The following ASTN2 variants were observed in gnomAD, a reference collection of about 807,000 sequenced individuals.
The protein encoded by ASTN2 is astrotactin-2.
In ASTN2, 54 loss-of-function variants were observed where a neutral mutation model predicts 139.8. The observed-to-expected ratio is 0.39, with a 90% CI of 0.31 to 0.48. The LOEUF (loss-of-function observed/expected upper bound fraction) is 0.48, where lower values mean the gene tolerates loss of function less well. ASTN2 is among the 20% of genes least tolerant of loss of function. The pLI, the probability that ASTN2 is intolerant of heterozygous loss-of-function variation, is 0.95. For missense variants in ASTN2, 1,565 were observed against 1,725.1 expected (o/e 0.91, Z 1.64); for synonymous variants, 756 against 719.5 (o/e 1.05, Z -0.81).
intron 16 of ASTN2, among the ~76,000 whole-genome samples, chr9:116,702,854 T>C (rs1318097139): frequency 6.6e-6 from 1 of 152,208 alleles, no homozygotes; most frequent in East Asian, 1.9e-4. Context: ...CAGTGTACAC[T>C]CCGGACTTGA....
intron 5 of ASTN2, among the ~76,000 whole-genome samples, chr9:117,084,036 GAA>G (rs60435447): frequency 0.47 from 56,974 of 120,740 alleles, 11,771 homozygotes; most frequent in East Asian, 0.7. Flanking sequence ...GGATCTTTAA[GAA>G]AAAAAAAAAA....
chr9:116,447,841 C>T (rs1848047972), intron 20 of ASTN2, among the ~76,000 whole-genome samples: 1 of 152,230 alleles, frequency 6.6e-6, no homozygotes, highest in Non-Finnish European at 1.5e-5. Context: ...GCCCAAGGCT[C>T]TGACTTCACC....
intron 2 of ASTN2, among the ~76,000 whole-genome samples, chr9:117,220,340 C>T (rs570359169): frequency 6.6e-6 from 1 of 152,246 alleles, no homozygotes; most frequent in South Asian, 2.1e-4. Flanking sequence ...TGGAGTCACC[C>T]TGGGCAGTTG....
chr9:116,957,049 A>T (rs1484639107), intron 10 of ASTN2, among the ~76,000 whole-genome samples: 3 of 141,822 alleles, frequency 2.1e-5, no homozygotes, highest in South Asian at 2.3e-4. Context: ...TTCCCAGTTA[A>T]TTTTTTTTTT....
At chr9:116,724,570 A>G (rs1828563922) in intron 16 of ASTN2, among the ~76,000 whole-genome samples, 1 of 152,178 alleles carries the variant, frequency 6.6e-6, no homozygotes, top group Admixed American at 6.5e-5. Flanking sequence ...TGCCAAGCAA[A>G]GCTGCGTGAA....
In ASTN2 at chr9:116,495,791, G is replaced by A. The variant is rs186269695; in HGVS notation, c.3356-8291C>T. 7.5e-3 allele frequency among the ~76,000 whole-genome samples: 1,137 copies of A among 152,194 alleles called. 8 individuals carry two copies. The highest frequency in any genetic ancestry group is 0.013 in the Non-Finnish European group (861 of 68,008). ...ACCCGAGCCTTTCCTATCATAAAAC[G>A]CTGCCTAGGGTGAGGGATACAAAGA... is the stretch of plus-strand genomic sequence containing the variant. On this transcript the variant is annotated intron_variant, in intron 19 of 22. Coordinates refer to ENST00000313400, the MANE Select transcript of ASTN2 (RefSeq NM_001365068.1).
At chr9:117,331,946 A>T (rs1348930720) in intron 1 of ASTN2, among the ~76,000 whole-genome samples, 1 of 151,946 alleles carries the variant, frequency 6.6e-6, no homozygotes, top group African/African-American at 2.4e-5. Context: ...ATTTTCACAC[A>T]TGTTCTTAGA....
intron 1 of ASTN2, among the ~76,000 whole-genome samples, chr9:117,391,993 A>C (rs1201165037): frequency 1.3e-5 from 2 of 152,180 alleles, no homozygotes; most frequent in Non-Finnish European, 2.9e-5. Flanking sequence ...CATCTGGGTT[A>C]TGCTGATACA....
At chr9:117,291,259 C>G in intron 2 of ASTN2, 67 bp downstream of exon 2, 1 of 1,570,314 alleles carries the variant, frequency 6.4e-7, no homozygotes, top group Non-Finnish European at 8.7e-7. Context: ...CCCCCGCCCC[C>G]TCCATCTCTC....
intron 4 of ASTN2, among the ~76,000 whole-genome samples, chr9:117,139,721 AAG>A (rs1263654181): frequency 6.6e-6 from 1 of 152,218 alleles, no homozygotes; most frequent in Non-Finnish European, 1.5e-5. Context: ...TAGCTAAGGA[AAG>A]AGCCAGACAA....
chr9:116,880,406 G>C (rs1833422671), intron 10 of ASTN2, among the ~76,000 whole-genome samples: 1 of 152,174 alleles, frequency 6.6e-6, no homozygotes, highest in Non-Finnish European at 1.5e-5. Context: ...AGGAAGACAG[G>C]AAATTAAAAC....
At chr9:117,137,487 G>A (rs1381349003) in intron 4 of ASTN2, among the ~76,000 whole-genome samples, 1 of 152,170 alleles carries the variant, frequency 6.6e-6, no homozygotes, top group East Asian at 1.9e-4. Flanking sequence ...GGAGGCTAAT[G>A]GAGCATTTCC....
chr9:117,409,747 T>C lies in ASTN2; in HGVS notation c.442+4750A>G, dbSNP rs141763578. Among the ~76,000 whole-genome samples, 87 of 152,336 alleles carry C rather than the reference T, an allele frequency of 5.7e-4. No individual in the cohort carries two copies. The East Asian group carries it at 0.016, about 28-fold the overall frequency. ...AACTCCTGGGCATAAGTGATCCTCC[T>C]GCTTCAGCCTCCCAAGTAGCCACCA... On this transcript the variant is annotated intron_variant, in intron 1 of 22. Transcript: ENST00000313400.
intron 1 of ASTN2, among the ~76,000 whole-genome samples, chr9:117,304,938 G>A (rs1334972547): frequency 1.3e-5 from 2 of 152,132 alleles, no homozygotes; most frequent in East Asian, 3.9e-4. Context: ...AGAGAAAGAT[G>A]AAAAAATGGC....
intron 1 of ASTN2, among the ~76,000 whole-genome samples, chr9:117,380,732 C>A (rs999035187): frequency 6.6e-6 from 1 of 152,122 alleles, no homozygotes; most frequent in African/African-American, 2.4e-5. Flanking sequence ...GGTACCACTT[C>A]ACCCCACTAG....
chr9:116,590,466 G>A (rs1854334933), intron 19 of ASTN2, among the ~76,000 whole-genome samples: 1 of 152,220 alleles, frequency 6.6e-6, no homozygotes, highest in Admixed American at 6.5e-5. Flanking sequence ...CACGGGAAAG[G>A]GGCTGGGACA....
intron 12 of ASTN2, among the ~76,000 whole-genome samples, chr9:116,817,518 C>T (rs1166339921): frequency 6.6e-6 from 1 of 152,046 alleles, no homozygotes; most frequent in Non-Finnish European, 1.5e-5. Flanking sequence ...GTTGTGAAAA[C>T]TCCAGAAACT....
At chr9:116,470,804 C>T (rs1408920170) in intron 20 of ASTN2, among the ~76,000 whole-genome samples, 3 of 152,148 alleles carry the variant, frequency 2.0e-5, no homozygotes, top group African/African-American at 7.2e-5. Context: ...CATTTGTCCT[C>T]TCTGTAAATG....
At chr9:117,093,407 A>T (rs1828755684) in intron 5 of ASTN2, among the ~76,000 whole-genome samples, 1 of 152,188 alleles carries the variant, frequency 6.6e-6, no homozygotes, top group Non-Finnish European at 1.5e-5. Flanking sequence ...TGATGCACAG[A>T]GACGTTAAGT....
Sources: allele counts gnomAD v4.1 joint callset (sites outside exome capture counted in the v4.1 genomes callset), GRCh38; gene constraint gnomAD v4.1.1; transcripts MANE v1.5; gene names NCBI Gene and HGNC (gene_info 2026-07-23, HGNC 2026-07-21).